Variants in DOCK7 observed in about 807,000 individuals in gnomAD.
The protein encoded by DOCK7 is dedicator of cytokinesis protein 7.
Under a neutral mutation model 271.0 loss-of-function variants are expected in DOCK7, and 138 were observed. The observed-to-expected ratio is 0.51, with a 90% CI of 0.44 to 0.59. The LOEUF (loss-of-function observed/expected upper bound fraction) is 0.59, where lower values mean the gene tolerates loss of function less well. Among genes scored for constraint, DOCK7 ranks in the 20% least tolerant of loss-of-function variants. DOCK7 has a pLI of 0.00. For missense variants in DOCK7, 2,066 were observed against 2,592.4 expected (o/e 0.80, Z 4.41); for synonymous variants, 823 against 876.1 (o/e 0.94, Z 1.07).
chr1:62,507,886 C>T (rs1646988402), intron 35 of DOCK7, 76 bp downstream of exon 35: 1 of 1,329,050 alleles, frequency 7.5e-7, no homozygotes, highest in Non-Finnish European at 1.1e-6. Context: ...AATTTTATGG[C>T]TCACAGTAAA....
At chr1:62,632,429 G>C (rs1654736585) in intron 10 of DOCK7, among the ~76,000 whole-genome samples, 1 of 152,004 alleles carries the variant, frequency 6.6e-6, no homozygotes, top group African/African-American at 2.4e-5. Context: ...CAAGGATCAA[G>C]AAAAAAATAT....
At chr1:62,628,078 G>A (rs1038868789) in intron 11 of DOCK7, 5 of 152,224 alleles carry the variant, frequency 3.3e-5, no homozygotes, top group African/African-American at 1.2e-4. Context: ...AGATGGGGTT[G>A]TGGGGATCGT....
At chr1:62,533,756 C>T (rs562309050) in intron 29 of DOCK7, among the ~76,000 whole-genome samples, 2 of 152,196 alleles carry the variant, frequency 1.3e-5, no homozygotes, top group African/African-American at 4.8e-5. Context: ...TTGACTATGC[C>T]CCTGACATAC....
chr1:62,493,271 CCT>C (rs1646518113), intron 40 of DOCK7, among the ~76,000 whole-genome samples: 1 of 151,932 alleles, frequency 6.6e-6, no homozygotes, highest in African/African-American at 2.4e-5. Flanking sequence ...TAATAAAAGC[CCT>C]CTTATTCAAT....
At chr1:62,670,002 G>A (rs1228601576) in intron 1 of DOCK7, among the ~76,000 whole-genome samples, 1 of 152,268 alleles carries the variant, frequency 6.6e-6, no homozygotes, top group Non-Finnish European at 1.5e-5. Flanking sequence ...CAGCCCTGCT[G>A]GCCCCGGGCA....
chr1:62,469,906 CA>C (rs35490114), intron 48 of DOCK7, among the ~76,000 whole-genome samples: 4,684 of 137,704 alleles, frequency 0.034, 177 homozygotes, highest in African/African-American at 0.1. Context: ...ATCAAAAACT[CA>C]AAAAAAAAAA....
At position 62,688,247 on chromosome 1, in the gene DOCK7, G is replaced by A; in HGVS notation, c.18C>T (p.Ala6=). Residue 6 remains alanine, a synonymous_variant, in exon 1 of 50, where the codon GCC becomes GCT. Transcript: ENST00000635253. ...TTTACCTGCTGATCTTCTGGGCGAA[G>A]GCGCGGCGCTCGGCCATGGCTGCTG... MAERR[A]FAQKISRTVA... 2.2e-6 allele frequency: 3 copies of A among 1,369,014 alleles called. No homozygotes were observed. Among genetic ancestry groups the A allele is most frequent in the Non-Finnish European group, 2.9e-6 (3 of 1,047,214 alleles). The allele number at this position is 1,369,014 out of a possible 1,614,324, so 84.8% of individuals were successfully genotyped here.
chr1:62,496,195 A>T, intron 38 of DOCK7, 144 bp downstream of exon 38: 1 of 805,374 alleles, frequency 1.2e-6, no homozygotes, highest in Non-Finnish European at 2.0e-6. Context: ...AAAGAGATTC[A>T]GTCCTATCTA....
chr1:62,583,089 T>C, intron 16 of DOCK7, 95 bp downstream of exon 16: 1 of 998,344 alleles, frequency 1.0e-6, no homozygotes, highest in Non-Finnish European at 1.5e-6. Flanking sequence ...TTGGCACATT[T>C]AGTGCAGCAA....
chr1:62,591,415 A>C (rs1648431444), intron 14 of DOCK7, among the ~76,000 whole-genome samples: 1 of 152,124 alleles, frequency 6.6e-6, no homozygotes, highest in African/African-American at 2.4e-5. Flanking sequence ...TTAATACCTG[A>C]GTGATGAAAT....
chr1:62,477,614 A>C, intron 44 of DOCK7, 86 bp downstream of exon 44: 1 of 1,386,020 alleles, frequency 7.2e-7, no homozygotes, highest in African/African-American at 1.5e-5. Context: ...CTGGCTTACT[A>C]AATGATTAGA....
chr1:62,646,925 AAAT>A (rs1385728577), intron 7 of DOCK7, among the ~76,000 whole-genome samples: 2 of 152,236 alleles, frequency 1.3e-5, no homozygotes, highest in African/African-American at 4.8e-5. Flanking sequence ...TTAAAAAACA[AAAT>A]AAGATTATAA....
rs1557915824 is a variant in DOCK7 at position 62,688,326 on chromosome 1, C to T, written c.-62G>A. 1.8e-6 allele frequency: 2 copies of T among 1,095,690 alleles called. No individual in the cohort carries two copies. The highest frequency in any genetic ancestry group is 4.3e-5 in the South Asian group (1 of 23,494). The allele number at this position is 1,095,690 out of a possible 1,614,324, so 67.9% of individuals were successfully genotyped here. ...GGCGGGCCGGGTGCGGACCGGCGGG[C>T]GCGTGCCTCCTCGCTCGTGCTCCCT... On this transcript the variant is annotated 5_prime_UTR_variant, in exon 1 of 50. Coordinates refer to ENST00000635253, the MANE Select transcript of DOCK7 (RefSeq NM_001367561.1).
intron 8 of DOCK7, 45 bp downstream of exon 8, chr1:62,636,492 C>A (rs1273030147): frequency 6.9e-7 from 1 of 1,441,790 alleles, no homozygotes; most frequent in South Asian, 1.3e-5. Context: ...GTTTCTGAAA[C>A]CAATGATTAT....
chr1:62,476,532 T>C (rs1000419675), intron 44 of DOCK7, among the ~76,000 whole-genome samples: 2 of 152,334 alleles, frequency 1.3e-5, no homozygotes, highest in South Asian at 4.1e-4. Context: ...ACTGAGTTTA[T>C]TGTGGCTTGA....
chr1:62,534,860 A>T (rs1424486972), intron 29 of DOCK7, among the ~76,000 whole-genome samples: 2 of 152,080 alleles, frequency 1.3e-5, no homozygotes, highest in African/African-American at 4.8e-5. Flanking sequence ...TGGGAGGCTG[A>T]GGTGGTGATC....
chr1:62,631,141 T>G, intron 11 of DOCK7, 99 bp downstream of exon 11: 1 of 1,084,288 alleles, frequency 9.2e-7, no homozygotes, highest in South Asian at 1.9e-5. Flanking sequence ...GCCAAGATCG[T>G]GCCACTGCCC....
At chr1:62,644,909 C>T (rs1190531644) in intron 7 of DOCK7, among the ~76,000 whole-genome samples, 3 of 151,654 alleles carry the variant, frequency 2.0e-5, no homozygotes, top group African/African-American at 7.3e-5. Flanking sequence ...AATAGTTGTA[C>T]AAAAAAATCA....
At chr1:62,571,472 A>G (rs1646776360) in intron 18 of DOCK7, among the ~76,000 whole-genome samples, 1 of 152,222 alleles carries the variant, frequency 6.6e-6, no homozygotes, top group South Asian at 2.1e-4. Context: ...AATTAGTTCA[A>G]TAATTGTGGA....
Sources: allele counts gnomAD v4.1 joint callset (sites outside exome capture counted in the v4.1 genomes callset), GRCh38; gene constraint gnomAD v4.1.1; transcripts MANE v1.5; gene names NCBI Gene and HGNC (gene_info 2026-07-23, HGNC 2026-07-21).